Variants in NADSYN1 observed in about 807,000 individuals in gnomAD.
NADSYN1 encodes NAD synthetase 1.
Under a neutral mutation model 99.3 loss-of-function variants are expected in NADSYN1, and 80 were observed. That is an observed-to-expected ratio of 0.81 (90% CI 0.67 to 0.97). The LOEUF (loss-of-function observed/expected upper bound fraction) is 0.97. NADSYN1 is among the 50% of genes least tolerant of loss of function. The probability of loss-of-function intolerance (pLI) is 0.00; values close to 1 mark genes in which losing one functional copy is unlikely to be tolerated. For missense variants in NADSYN1, 859 were observed against 948.5 expected (o/e 0.91, Z 1.24); for synonymous variants, 385 against 372.1 (o/e 1.03, Z -0.40).
At chr11:71,482,708 G>A (rs1365400028) in intron 13 of NADSYN1, 141 bp from the exon 14 acceptor site, 8 of 742,076 alleles carry the variant, frequency 1.1e-5, no homozygotes, top group East Asian at 2.9e-5. Flanking sequence ...GGTGTAGACC[G>A]GGGTGGAGCC....
rs559645154 is a variant in NADSYN1 at position 71,477,732 on chromosome 11, C to G, written c.799-663C>G. On this transcript the variant is annotated intron_variant, in intron 9 of 20. Transcript: ENST00000319023. ...CAGGCAGCACGTCCAGGCCAAGACC[C>G]TGGTGTGGATGCCGGGGCTGCGGCT... is the stretch of plus-strand genomic sequence containing the variant. 5.9e-5 allele frequency among the ~76,000 whole-genome samples: 9 copies of G among 152,352 alleles called. No individual in the cohort carries two copies. The East Asian group carries it at 1.5e-3, about 26-fold the overall frequency.
Position 71,501,566 on chromosome 11 carries a change from T to C in NADSYN1, c.*214T>C. On this transcript the variant is annotated 3_prime_UTR_variant, in exon 21 of 21. Coordinates refer to ENST00000319023, the MANE Select transcript of NADSYN1 (RefSeq NM_018161.5). ...GGCTGGAATCCAATGCACATGATTT[T>C]GACCTCCCGCCAGCGTGCGCTTCCC... The C allele has an allele frequency of 1.8e-6, 1 of 558,826 alleles. No individual in the cohort carries two copies. The highest frequency in any genetic ancestry group is 2.4e-5 in the South Asian group (1 of 42,430). The allele number at this position is 558,826 out of a possible 1,614,324, so 34.6% of individuals were successfully genotyped here.
chr11:71,455,872 T>C (rs569409669), intron 2 of NADSYN1, among the ~76,000 whole-genome samples: 43 of 152,280 alleles, frequency 2.8e-4, no homozygotes, highest in Non-Finnish European at 5.1e-4. Context: ...TCGTTTCTTA[T>C]ATGCCTTTTT....
At position 71,482,012 on chromosome 11, in the gene NADSYN1, C is replaced by A; in HGVS notation, c.1137C>A (p.Ala379=). ...IYSMCCQVCE[A]VRSGNEEVLA... is the part of the protein sequence containing the mutation. ...CCATGTGCTGCCAGGTCTGCGAGGCCGTGAGGAGTGGAAGTAGGTGACATC... is the reference window on the plus strand; with the variant it reads ...CCATGTGCTGCCAGGTCTGCGAGGCAGTGAGGAGTGGAAGTAGGTGACATC... The change falls in exon 13 of 21, where the codon GCC becomes GCA. Residue 379 remains alanine, a synonymous_variant. Transcript: ENST00000319023. The A allele has an allele frequency of 6.2e-7, 1 of 1,611,166 alleles. No individual in the cohort carries two copies. Among genetic ancestry groups the A allele is most frequent in the Non-Finnish European group, 8.5e-7 (1 of 1,178,700 alleles).
chr11:71,483,115 C>G, intron 14 of NADSYN1, 98 bp downstream of exon 14: 1 of 1,420,328 alleles, frequency 7.0e-7, no homozygotes, highest in Non-Finnish European at 9.8e-7. Flanking sequence ...TGGCTTCATT[C>G]ATTCCGCATC....
At chr11:71,500,517 C>T (rs1565609870) in intron 20 of NADSYN1, among the ~76,000 whole-genome samples, 1 of 152,188 alleles carries the variant, frequency 6.6e-6, no homozygotes, top group Admixed American at 6.5e-5. Context: ...AGGATGGGCC[C>T]CTCCCAACCC....
Position 71,497,597 on chromosome 11 carries a change from T to G in NADSYN1, c.1879T>G (p.Cys627Gly). Residue 627 changes from cysteine (C) to glycine (G), a missense_variant, in exon 19 of 21, where the codon TGC becomes GGC. Transcript: ENST00000319023. ...ACTCCTCGGCATGTGGAGACACATC[T>G]GCACCCCGAGACAGGTAAAGCCTGT... is the stretch of plus-strand genomic sequence containing the variant. The part of the protein sequence containing the change: ...CKLLGMWRHI[C>G]TPRQVADKVK... 1.2e-6 allele frequency: 2 copies of G among 1,614,156 alleles called. No homozygotes were observed. The highest frequency in any genetic ancestry group is 1.1e-5 in the South Asian group (1 of 91,072).
chr11:71,477,057 A>G (rs1949672307), intron 9 of NADSYN1: 1 of 1,088,336 alleles, frequency 9.2e-7, no homozygotes, highest in Non-Finnish European at 1.1e-6. Flanking sequence ...TGAAATGGTC[A>G]ACAGAAGTCT....
At chr11:71,473,447 G>GGGCCAC in intron 7 of NADSYN1, 81 bp downstream of exon 7, 1 of 1,540,070 alleles carries the variant, frequency 6.5e-7, no homozygotes, top group East Asian at 2.3e-5. Flanking sequence ...AGACGTCCTG[G>GGGCCAC]GGCCGTGGCC....
intron 5 of NADSYN1, among the ~76,000 whole-genome samples, chr11:71,469,797 C>T (rs558235496): frequency 3.9e-5 from 6 of 152,142 alleles, no homozygotes; most frequent in Admixed American, 1.3e-4. Flanking sequence ...ATCTGGGGGC[C>T]TGTTCCCAAC....
At chr11:71,455,064 T>C (rs958811319) in intron 1 of NADSYN1, 46 bp from the exon 2 acceptor site, 1 of 1,425,034 alleles carries the variant, frequency 7.0e-7, no homozygotes. Flanking sequence ...TTTGAGTGTA[T>C]AGGTGCTGAA....
chr11:71,463,364 C>G, intron 3 of NADSYN1, 68 bp from the exon 4 acceptor site: 2 of 1,390,446 alleles, frequency 1.4e-6, no homozygotes, highest in Non-Finnish European at 2.0e-6. Flanking sequence ...GAGCTGCAGC[C>G]GCTGCCTCCA....
At chr11:71,477,191 T>C in intron 9 of NADSYN1, 3 of 1,177,090 alleles carry the variant, frequency 2.5e-6, no homozygotes. Flanking sequence ...CTTTCCGGCT[T>C]GTCGTGTGCC....
chr11:71,486,533 A>G (rs1591133497), intron 16 of NADSYN1, among the ~76,000 whole-genome samples: 2 of 151,358 alleles, frequency 1.3e-5, no homozygotes, highest in Non-Finnish European at 2.9e-5. Context: ...CCATCCATTC[A>G]TCTACCCACA....
chr11:71,468,192 T>A (rs1321088705), intron 5 of NADSYN1, among the ~76,000 whole-genome samples: 1 of 152,216 alleles, frequency 6.6e-6, no homozygotes, highest in Non-Finnish European at 1.5e-5. Flanking sequence ...AAAAGACTCA[T>A]TAGTGGAAAT....
chr11:71,487,680 A>C (rs553949579), intron 16 of NADSYN1, among the ~76,000 whole-genome samples: 1 of 151,924 alleles, frequency 6.6e-6, no homozygotes, highest in African/African-American at 2.4e-5. Context: ...AAATACAAAA[A>C]ATTAGCCGGG....
chr11:71,468,754 A>G (rs747079109), intron 5 of NADSYN1, among the ~76,000 whole-genome samples: 1 of 152,246 alleles, frequency 6.6e-6, no homozygotes, highest in African/African-American at 2.4e-5. Flanking sequence ...GGCTGAAACC[A>G]TATTGTAATT....
At chr11:71,481,717 G>A (rs773257484) in intron 12 of NADSYN1, 36 of 604,384 alleles carry the variant, frequency 6.0e-5, no homozygotes, top group Non-Finnish European at 9.7e-5. Flanking sequence ...CCTCTGACAC[G>A]CCCCGCAGTG....
chr11:71,485,427 C>A (rs188293057), intron 15 of NADSYN1, 115 bp from the exon 16 acceptor site: 13 of 782,712 alleles, frequency 1.7e-5, no homozygotes, highest in Non-Finnish European at 6.0e-6. Context: ...GTTCCCCGAA[C>A]GCTAGAGAGC....
Sources: allele counts gnomAD v4.1 joint callset (sites outside exome capture counted in the v4.1 genomes callset), GRCh38; gene constraint gnomAD v4.1.1; transcripts MANE v1.5; gene names NCBI Gene and HGNC (gene_info 2026-07-23, HGNC 2026-07-21).